The following RAMP1 variants were observed in gnomAD, a reference collection of about 807,000 sequenced individuals.
RAMP1 encodes receptor activity-modifying protein 1.
A neutral mutation model predicts 8.2 loss-of-function variants in RAMP1; 7 were observed. The ratio of observed to expected loss-of-function variants is 0.85; its 90% CI spans 0.49 to 1.60. The LOEUF is 1.60. Ranked by LOEUF, RAMP1 falls within the 40% of genes most tolerant of loss-of-function variation. The pLI is 0.00. For missense variants in RAMP1, 192 were observed against 202.4 expected (o/e 0.95, Z 0.31); for synonymous variants, 92 against 84.7 (o/e 1.09, Z -0.47).
Position 237,877,635 on chromosome 2 carries a change from C to T in RAMP1, c.191+273C>T, listed in dbSNP as rs2062322513. On this transcript the variant is annotated intron_variant, in intron 2 of 2. Transcript: ENST00000254661. This position sits in a 1 kb window ranked among gnomAD's most constrained non-coding sequence, Gnocchi z 4.4. ...ATGTCCAGCCAGAGATGCCCGCGGC[C>T]TCTCCAAGGGCAGGCGCCTGGGGAA... is the stretch of plus-strand genomic sequence containing the variant. Among the ~76,000 whole-genome samples the T allele has an allele frequency of 6.6e-6, 1 of 152,156 alleles. No individual in the cohort carries two copies. The highest frequency in any genetic ancestry group is 2.4e-5 in the African/African-American group (1 of 41,438).
intron 2 of RAMP1, among the ~76,000 whole-genome samples, chr2:237,897,920 T>G (rs2062559395): frequency 6.6e-6 from 1 of 152,116 alleles, no homozygotes; most frequent in Non-Finnish European, 1.5e-5. Context: ...TGCCTCAGCC[T>G]CCTGAGTAGA....
intron 2 of RAMP1, among the ~76,000 whole-genome samples, chr2:237,910,829 A>G (rs1326610990): frequency 6.7e-6 from 1 of 149,250 alleles, no homozygotes; most frequent in East Asian, 1.9e-4. Context: ...TAATAGTCAC[A>G]CAGTCACATG....
At chr2:237,908,216 A>G (rs1471745572) in intron 2 of RAMP1, among the ~76,000 whole-genome samples, 3 of 152,182 alleles carry the variant, frequency 2.0e-5, no homozygotes, top group African/African-American at 7.2e-5. Context: ...GGCAGTAGAC[A>G]GCTGCTGCTT....
At chr2:237,880,138 G>A (rs1014791340) in intron 2 of RAMP1, among the ~76,000 whole-genome samples, 5 of 152,226 alleles carry the variant, frequency 3.3e-5, no homozygotes, top group Non-Finnish European at 5.9e-5. Context: ...ATGTCCATGC[G>A]TAATTCCTGG....
chr2:237,864,587 ACT>A (rs2151002140), intron 1 of RAMP1, among the ~76,000 whole-genome samples: 1 of 152,140 alleles, frequency 6.6e-6, no homozygotes, highest in Admixed American at 6.5e-5. Flanking sequence ...CAGGGTCAGG[ACT>A]CTCACACACG....
intron 2 of RAMP1, among the ~76,000 whole-genome samples, chr2:237,894,360 A>G (rs1421722572): frequency 2.0e-5 from 3 of 152,254 alleles, no homozygotes; most frequent in Non-Finnish European, 2.9e-5. Context: ...TAATGGACAC[A>G]TTAACTCACC....
Position 237,859,704 on chromosome 2 carries a change from G to T in RAMP1, c.29G>T (p.Arg10Leu). MARALCRLP[R>L]RGLWLLLAHH... ...GCCCGGGCCCTGTGCCGCCTCCCGC[G>T]GCGCGGCCTCTGGCTGCTCCTGGGT... Residue 10 changes from arginine to leucine, a missense_variant, in exon 1 of 3, where the codon CGG (arginine) becomes CTG (leucine). Coordinates refer to ENST00000254661, the MANE Select transcript of RAMP1 (RefSeq NM_005855.4). 6.6e-7 allele frequency: 1 copy of T among 1,512,272 alleles called. No individual in the cohort carries two copies. The highest frequency in any genetic ancestry group is 8.8e-7 in the Non-Finnish European group (1 of 1,131,054). 93.7% of individuals were successfully genotyped at this position (1,512,272 alleles called of 1,614,324 possible).
rs534339538 is a variant in RAMP1, at chr2:237,886,000, G to A, written c.191+8638G>A. Among the ~76,000 whole-genome samples, 22 of 152,344 alleles carry A rather than the reference G, an allele frequency of 1.4e-4. No individual in the cohort carries two copies. The East Asian group carries it at 3.5e-3, about 24-fold the overall frequency. Reference sequence around the variant, plus strand: ...GCTATGGCTTACAGAGGAGAAGGGGGCAGAGGAGGAGAGAAGGAGGTGGCT... The same window carrying A: ...GCTATGGCTTACAGAGGAGAAGGGGACAGAGGAGGAGAGAAGGAGGTGGCT... On this transcript the variant is annotated intron_variant, in intron 2 of 2. Coordinates refer to ENST00000254661, the MANE Select transcript of RAMP1 (RefSeq NM_005855.4).
At chr2:237,891,718 C>T (rs2062490246) in intron 2 of RAMP1, among the ~76,000 whole-genome samples, 2 of 152,132 alleles carry the variant, frequency 1.3e-5, no homozygotes, top group Admixed American at 6.5e-5. Flanking sequence ...TCTATTTAAT[C>T]CCCACCAAAA....
rs150190511 is a variant in RAMP1 at position 237,862,919 on chromosome 2, A to G, written c.52+3192A>G. ...TGGGGCTGCCACAGTCTACCCTGTGAGCCATGGGGGAGTACCTGTCCATGA... is the reference window on the plus strand; with the variant it reads ...TGGGGCTGCCACAGTCTACCCTGTGGGCCATGGGGGAGTACCTGTCCATGA... On this transcript the variant is annotated intron_variant, in intron 1 of 2. Coordinates refer to ENST00000254661, the MANE Select transcript of RAMP1 (RefSeq NM_005855.4). This position sits in a 1 kb window ranked among gnomAD's most constrained non-coding sequence, Gnocchi z 4.0. Among the ~76,000 whole-genome samples, 27 of 152,258 alleles carry G rather than the reference A, an allele frequency of 1.8e-4. 1 individual carries two copies. The East Asian group carries it at 5.2e-3, about 29-fold the overall frequency.
intron 2 of RAMP1, among the ~76,000 whole-genome samples, chr2:237,881,744 C>G (rs1170209439): frequency 6.6e-6 from 1 of 152,160 alleles, no homozygotes; most frequent in Non-Finnish European, 1.5e-5. Context: ...TTCCTATTTT[C>G]TATCAGGTCG....
At chr2:237,897,408 G>A (rs1462946608) in intron 2 of RAMP1, among the ~76,000 whole-genome samples, 1 of 152,232 alleles carries the variant, frequency 6.6e-6, no homozygotes, top group African/African-American at 2.4e-5. Flanking sequence ...CACTGCGAGT[G>A]TTGCAGGAGG....
chr2:237,859,769 G>A (rs1249888286), intron 1 of RAMP1, 42 bp downstream of exon 1: 1 of 1,432,188 alleles, frequency 7.0e-7, no homozygotes, highest in Non-Finnish European at 9.3e-7. Flanking sequence ...CCTTCCCCTG[G>A]CCAGCCGGTG....
chr2:237,884,209 G>C (rs1206024590), intron 2 of RAMP1, among the ~76,000 whole-genome samples: 1 of 152,192 alleles, frequency 6.6e-6, no homozygotes, highest in Non-Finnish European at 1.5e-5. Flanking sequence ...GTGGCTGAAT[G>C]AGCTCAGCGG....
At position 237,897,986 on chromosome 2, in the gene RAMP1, AC is replaced by A. The variant is rs560373084; in HGVS notation, c.192-13541del. 1.1e-4 allele frequency among the ~76,000 whole-genome samples: 16 copies of A among 152,050 alleles called. No individual in the cohort carries two copies. In the East Asian group the frequency reaches 2.5e-3, roughly 24 times the overall value. On this transcript the variant is annotated intron_variant, in intron 2 of 2. Transcript: ENST00000254661. ...GCTAATTTTTGTATTTTTAGTAGAG[AC>A]TGGGTTTCACCATGTTGGCCAGGCT...
chr2:237,860,444 G>C (rs1302730712), intron 1 of RAMP1, among the ~76,000 whole-genome samples: 3 of 152,188 alleles, frequency 2.0e-5, no homozygotes, highest in Non-Finnish European at 4.4e-5. Context: ...GGAGGGAGAA[G>C]TGGAGATTAG....
At position 237,862,635 on chromosome 2, in the gene RAMP1, C is replaced by T. The variant is rs1011804092; in HGVS notation, c.52+2908C>T. Among the ~76,000 whole-genome samples the T allele has an allele frequency of 3.3e-5, 5 of 152,198 alleles. No homozygotes were observed. Among genetic ancestry groups the T allele is most frequent in the South Asian group, 2.1e-4 (1 of 4,836 alleles). On this transcript the variant is annotated intron_variant, in intron 1 of 2. Transcript: ENST00000254661. This position sits in a 1 kb window ranked among gnomAD's most constrained non-coding sequence, Gnocchi z 4.0. ...GTGCCATGTGTAGTGTGAATTCCAG[C>T]GGAAATGCTGAGCCCAGAGAGTGAA...
chr2:237,910,914 T>C (rs986223354), intron 2 of RAMP1, among the ~76,000 whole-genome samples: 1 of 145,500 alleles, frequency 6.9e-6, no homozygotes, highest in Admixed American at 6.8e-5. Flanking sequence ...AACACAGTCA[T>C]CCACACAGAG....
At chr2:237,898,827 AG>A (rs2062569800) in intron 2 of RAMP1, among the ~76,000 whole-genome samples, 1 of 152,200 alleles carries the variant, frequency 6.6e-6, no homozygotes, top group African/African-American at 2.4e-5. Flanking sequence ...ACGCCAGGCC[AG>A]GCCACAGCGT....
Sources: allele counts gnomAD v4.1 joint callset (sites outside exome capture counted in the v4.1 genomes callset), GRCh38; gene constraint gnomAD v4.1.1; non-coding constraint Gnocchi (gnomAD v3.1); transcripts MANE v1.5; gene names NCBI Gene and HGNC (gene_info 2026-07-23, HGNC 2026-07-21).